The following PCDHA12 variants were observed in gnomAD, a reference collection of about 807,000 sequenced individuals.
PCDHA12 encodes the protein protocadherin alpha-12.
A neutral mutation model predicts 60.0 loss-of-function variants in PCDHA12; 44 were observed. The observed-to-expected ratio is 0.73, with a 90% CI of 0.58 to 0.94. The LOEUF (loss-of-function observed/expected upper bound fraction) is 0.94. PCDHA12 is among the 40% of genes least tolerant of loss of function. PCDHA12 has a pLI of 0.00. For missense variants in PCDHA12, 1,276 were observed against 1,239.7 expected (o/e 1.03, Z -0.44); for synonymous variants, 569 against 553.0 (o/e 1.03, Z -0.40).
chr5:140,900,309 C>T (rs1183008231), intron 1 of PCDHA12, among the ~76,000 whole-genome samples: 1 of 151,686 alleles, frequency 6.6e-6, no homozygotes, highest in Non-Finnish European at 1.5e-5. Context: ...GACAGTCTCA[C>T]TTTTGTCGCC....
At chr5:140,904,143 T>C (rs1370565805) in intron 1 of PCDHA12, among the ~76,000 whole-genome samples, 1 of 152,136 alleles carries the variant, frequency 6.6e-6, no homozygotes, top group Non-Finnish European at 1.5e-5. Context: ...CCGAGCAGTA[T>C]ACATTGCACC....
At chr5:140,925,286 A>G (rs545624226) in intron 1 of PCDHA12, among the ~76,000 whole-genome samples, 9 of 152,288 alleles carry the variant, frequency 5.9e-5, no homozygotes, top group African/African-American at 2.2e-4. Context: ...TTGCCTTTCA[A>G]ATGTTTCATT....
intron 3 of PCDHA12, among the ~76,000 whole-genome samples, chr5:141,002,433 A>G (rs2098079655): frequency 6.6e-6 from 1 of 152,258 alleles, no homozygotes; most frequent in East Asian, 1.9e-4. Context: ...ACAGGCAATA[A>G]CCATAATAAT....
chr5:141,000,421 A>ATTTTTTTTTTTTT (rs34755515), intron 3 of PCDHA12, among the ~76,000 whole-genome samples: 1 of 27,968 alleles, frequency 3.6e-5, no homozygotes, highest in African/African-American at 1.8e-4. Flanking sequence ...ATATATATAT[A>ATTTTTTTTTTTTT]TTTTTTTTTT....
chr5:140,884,961 C>A (rs1454276450), intron 1 of PCDHA12, among the ~76,000 whole-genome samples: 1 of 152,126 alleles, frequency 6.6e-6, no homozygotes, highest in Non-Finnish European at 1.5e-5. Context: ...AAATTCCTCA[C>A]GTTGTGAGAA....
At chr5:140,967,492 G>C in intron 1 of PCDHA12, 1 of 1,613,380 alleles carries the variant, frequency 6.2e-7, no homozygotes, top group Non-Finnish European at 8.5e-7. Flanking sequence ...GTACGGCACA[G>C]ATCTCTGTGC....
Position 141,010,329 on chromosome 5 carries a change from G to A in PCDHA12, c.*392G>A. The A allele has an allele frequency of 6.5e-7, 1 of 1,538,672 alleles. No individual in the cohort carries two copies. Among genetic ancestry groups the A allele is most frequent in the Non-Finnish European group, 8.8e-7 (1 of 1,142,532 alleles). On this transcript the variant is annotated 3_prime_UTR_variant, in exon 4 of 4. Transcript: ENST00000398631. ...AGTTTTGAGATTGAGCAGCTTGGGA[G>A]TTTGTGGCCACTGGGTATGTGTGGC...
At chr5:140,987,431 C>G (rs187493051) in intron 3 of PCDHA12, among the ~76,000 whole-genome samples, 1 of 152,232 alleles carries the variant, frequency 6.6e-6, no homozygotes, top group East Asian at 1.9e-4. Context: ...AGCAGGGGGC[C>G]TTTCCCCATG....
intron 1 of PCDHA12, among the ~76,000 whole-genome samples, chr5:140,953,567 C>G (rs1385823859): frequency 6.6e-6 from 1 of 152,018 alleles, no homozygotes; most frequent in Non-Finnish European, 1.5e-5. Flanking sequence ...TTTTAGTGCC[C>G]TCCTCTCCCA....
At chr5:140,946,237 A>C (rs540442862) in intron 1 of PCDHA12, among the ~76,000 whole-genome samples, 8 of 152,268 alleles carry the variant, frequency 5.3e-5, no homozygotes, top group African/African-American at 1.9e-4. Context: ...AAAAATGCTC[A>C]ACATCATGAA....
rs140611870 is a variant in PCDHA12 at position 140,876,724 on chromosome 5, G to C, written c.1252G>C (p.Val418Leu). 4 of 1,614,128 alleles carry C rather than the reference G, an allele frequency of 2.5e-6. No individual in the cohort carries two copies. Among genetic ancestry groups the C allele is most frequent in the Non-Finnish European group, 2.5e-6 (3 of 1,180,054 alleles). ...GGACAGCGCCCTGGACCGCGAGAGCGTGTCGGCCTATGAGCTGGTGGTGAC... is the reference window on the plus strand; with the variant it reads ...GGACAGCGCCCTGGACCGCGAGAGCCTGTCGGCCTATGAGCTGGTGGTGAC... ...VLDSALDRESVSAYELVVTAR... is the reference protein window; with the variant it reads ...VLDSALDRESLSAYELVVTAR... The change falls in exon 1 of 4, where the codon GTG becomes CTG. Residue 418 changes from valine (V) to leucine (L), a missense_variant. Physicochemically the swap from Val to Leu is conservative, Grantham distance 32 (BLOSUM62 1). Transcript: ENST00000398631.
At chr5:140,907,872 G>A (rs1473403839) in intron 1 of PCDHA12, among the ~76,000 whole-genome samples, 1 of 152,208 alleles carries the variant, frequency 6.6e-6, no homozygotes, top group Non-Finnish European at 1.5e-5. Flanking sequence ...CCGTTGGTGA[G>A]CACTCACATG....
At chr5:140,911,088 C>T (rs1447899502) in intron 1 of PCDHA12, among the ~76,000 whole-genome samples, 3 of 152,092 alleles carry the variant, frequency 2.0e-5, no homozygotes, top group African/African-American at 7.2e-5. Flanking sequence ...ATTATCTTGC[C>T]TGGCAACTGC....
chr5:140,991,413 A>G (rs2097451025), intron 3 of PCDHA12, among the ~76,000 whole-genome samples: 1 of 152,228 alleles, frequency 6.6e-6, no homozygotes, highest in South Asian at 2.1e-4. Context: ...CCATTATGCT[A>G]TAACAAATTA....
chr5:140,942,713 T>C (rs2093359728), intron 1 of PCDHA12, among the ~76,000 whole-genome samples: 2 of 152,208 alleles, frequency 1.3e-5, no homozygotes, highest in Non-Finnish European at 1.5e-5. Flanking sequence ...AGTAAAAGTA[T>C]GAAATTTTGT....
rs782212623 is a variant in PCDHA12 at position 140,927,250 on chromosome 5, A to G, written c.2367+49411A>G. On this transcript the variant is annotated intron_variant, in intron 1 of 3. Coordinates refer to ENST00000398631, the MANE Select transcript of PCDHA12 (RefSeq NM_018903.4). ...GATTCACGTCCTGGACACCAATGACAACTCACCTCTCTTTCCTGCCGGCGA... is the reference window on the plus strand; with the variant it reads ...GATTCACGTCCTGGACACCAATGACGACTCACCTCTCTTTCCTGCCGGCGA... 1.9e-6 allele frequency: 3 copies of G among 1,614,046 alleles called. 1 individual carries two copies. The highest frequency in any genetic ancestry group is 2.5e-6 in the Non-Finnish European group (3 of 1,180,004).
At chr5:141,004,679 TG>T in intron 3 of PCDHA12, among the ~76,000 whole-genome samples, 1 of 152,160 alleles carries the variant, frequency 6.6e-6, no homozygotes, top group South Asian at 2.1e-4. Context: ...GACTGTGGAG[TG>T]GTGCTGAAAC....
intron 1 of PCDHA12, chr5:140,929,266 C>T (rs1333907609): frequency 6.2e-7 from 1 of 1,611,352 alleles, no homozygotes; most frequent in Middle Eastern, 1.7e-4. Flanking sequence ...ACTGAATTTG[C>T]CAATATCCTG....
intron 1 of PCDHA12, among the ~76,000 whole-genome samples, chr5:140,880,422 C>T (rs782802267): frequency 6.6e-6 from 1 of 152,252 alleles, no homozygotes; most frequent in Non-Finnish European, 1.5e-5. Flanking sequence ...AAAGCGGGAA[C>T]AGTTTTTCCT....
Sources: gnomAD v4.1 joint callset for allele counts (sites outside exome capture counted in the v4.1 genomes callset) on GRCh38, gnomAD v4.1.1 for gene constraint, MANE v1.5 for transcripts, NCBI Gene and HGNC (gene_info 2026-07-23, HGNC 2026-07-21) for gene names.